The following LIN7A variants were observed in gnomAD, a reference collection of about 807,000 sequenced individuals.
LIN7A encodes the protein protein lin-7 homolog A.
A neutral mutation model predicts 29.8 loss-of-function variants in LIN7A; 25 were observed. The observed-to-expected ratio is 0.84, with a 90% CI of 0.61 to 1.17. The LOEUF (loss-of-function observed/expected upper bound fraction) is 1.17. LIN7A is among the 50% of genes most tolerant of loss of function. The pLI is 0.00. For synonymous variants in LIN7A, 118 were observed against 107.5 expected, an observed-to-expected ratio of 1.10 and a Z score of -0.60; for missense variants, 239 against 287.0, an observed-to-expected ratio of 0.83 and a Z score of 1.21.
At chr12:80,917,211 T>A (rs1004365654) in intron 1 of LIN7A, among the ~76,000 whole-genome samples, 1 of 152,038 alleles carries the variant, frequency 6.6e-6, no homozygotes, top group Non-Finnish European at 1.5e-5. Context: ...TGCTTATAAA[T>A]GTGAAAAATT....
At chr12:80,909,228 C>T (rs1876633476) in intron 1 of LIN7A, among the ~76,000 whole-genome samples, 1 of 152,084 alleles carries the variant, frequency 6.6e-6, no homozygotes, top group Non-Finnish European at 1.5e-5. Context: ...GCTAGCTTTT[C>T]CCCAGTGAGT....
intron 1 of LIN7A, among the ~76,000 whole-genome samples, chr12:80,924,968 C>G (rs779383719): frequency 6.6e-6 from 1 of 152,096 alleles, no homozygotes; most frequent in Non-Finnish European, 1.5e-5. Context: ...CTGCCTGAGT[C>G]TAATTTTAAA....
intron 2 of LIN7A, among the ~76,000 whole-genome samples, chr12:80,876,919 C>G (rs901460294): frequency 6.6e-6 from 1 of 151,640 alleles, no homozygotes; most frequent in African/African-American, 2.4e-5. Context: ...GTCAGGAGTT[C>G]GAGACTACCC....
chr12:80,823,930 G>A (rs905565017), intron 4 of LIN7A, among the ~76,000 whole-genome samples: 1 of 152,056 alleles, frequency 6.6e-6, no homozygotes, highest in African/African-American at 2.4e-5. Context: ...GTCTGAAAGA[G>A]CACAAATAGA....
At chr12:80,823,511 G>T (rs1487346377) in intron 4 of LIN7A, among the ~76,000 whole-genome samples, 1 of 152,178 alleles carries the variant, frequency 6.6e-6, no homozygotes, top group East Asian at 1.9e-4. Context: ...AGCATGCCTG[G>T]CTCTGTGCAG....
intron 2 of LIN7A, among the ~76,000 whole-genome samples, chr12:80,881,637 A>G (rs1395478520): frequency 2.6e-5 from 4 of 152,150 alleles, no homozygotes; most frequent in Non-Finnish European, 5.9e-5. Context: ...AGTTATATAT[A>G]TATATATATG....
intron 1 of LIN7A, among the ~76,000 whole-genome samples, chr12:80,915,379 C>T (rs1025475045): frequency 6.6e-6 from 1 of 151,934 alleles, no homozygotes; most frequent in Non-Finnish European, 1.5e-5. Flanking sequence ...CAGACATTGG[C>T]AAGGCAAGGC....
rs182520681 is a variant in LIN7A, at chr12:80,824,833, T to C, written c.484-13150A>G. 9.2e-5 allele frequency among the ~76,000 whole-genome samples: 14 copies of C among 152,288 alleles called. No individual in the cohort carries two copies. The East Asian group carries it at 2.7e-3, about 29-fold the overall frequency. ...CCAGCATCCTTTATGATTAAAACCC[T>C]CAGCAAAATCGGCATAGAAGGGACA... On this transcript the variant is annotated intron_variant, in intron 4 of 5. Coordinates refer to ENST00000552864, the MANE Select transcript of LIN7A (RefSeq NM_004664.4).
At chr12:80,875,702 T>G (rs1457387180) in intron 2 of LIN7A, among the ~76,000 whole-genome samples, 4 of 152,330 alleles carry the variant, frequency 2.6e-5, no homozygotes, top group East Asian at 3.9e-4. Context: ...TCTTAAGGAA[T>G]TCTTCCATGG....
At chr12:80,826,803 G>T (rs547704994) in intron 4 of LIN7A, among the ~76,000 whole-genome samples, 1 of 152,074 alleles carries the variant, frequency 6.6e-6, no homozygotes, top group East Asian at 1.9e-4. Context: ...GATTACAGGC[G>T]TGAGCCACCA....
intron 4 of LIN7A, among the ~76,000 whole-genome samples, chr12:80,813,377 T>G (rs559219829): frequency 6.6e-6 from 1 of 152,332 alleles, no homozygotes; most frequent in South Asian, 2.1e-4. Flanking sequence ...GACAAGGATG[T>G]AGGAAAATTG....
chr12:80,907,019 A>T (rs1479800070), intron 1 of LIN7A, among the ~76,000 whole-genome samples: 1 of 144,350 alleles, frequency 6.9e-6, no homozygotes, highest in East Asian at 2.0e-4. Context: ...TCAGTGAAAC[A>T]ATGATCATAA....
Position 80,916,265 on chromosome 12 carries a change from C to A in LIN7A, c.82+21376G>T, listed in dbSNP as rs548164334. Among the ~76,000 whole-genome samples the A allele has an allele frequency of 7.2e-5, 11 of 152,254 alleles. No individual in the cohort carries two copies. In the East Asian group the frequency reaches 1.5e-3, roughly 21 times the overall value. On this transcript the variant is annotated intron_variant, in intron 1 of 5. Transcript: ENST00000552864. The stretch of plus-strand genomic sequence containing the variant: ...GGATCATGTCACTAATCCACAAAAT[C>A]CCTCCTGTGGCTTAGTATTTTAGAG...
At chr12:80,861,016 G>A (rs902416030) in intron 2 of LIN7A, 3 of 152,196 alleles carry the variant, frequency 2.0e-5, no homozygotes, top group Non-Finnish European at 4.4e-5. Context: ...TCTATCTTGA[G>A]TGGCTACTAA....
At chr12:80,872,331 T>C (rs1424867130) in intron 2 of LIN7A, among the ~76,000 whole-genome samples, 1 of 152,130 alleles carries the variant, frequency 6.6e-6, no homozygotes, top group Non-Finnish European at 1.5e-5. Flanking sequence ...CAAAATTAAT[T>C]AAGGCAAATG....
intron 5 of LIN7A, among the ~76,000 whole-genome samples, chr12:80,802,392 TTA>T (rs916572363): frequency 7.2e-5 from 11 of 152,206 alleles, no homozygotes; most frequent in African/African-American, 2.4e-4. Flanking sequence ...CGTTGCTCCC[TTA>T]TCTTAGCTAT....
chr12:80,841,312 G>T (rs1435496572), intron 4 of LIN7A, among the ~76,000 whole-genome samples: 2 of 137,888 alleles, frequency 1.5e-5, no homozygotes, highest in African/African-American at 5.5e-5. Context: ...AAAAAGAAAA[G>T]AAAAGAAAAG....
intron 4 of LIN7A, chr12:80,845,477 G>T (rs534020543): frequency 2.4e-5 from 9 of 380,990 alleles, no homozygotes; most frequent in Non-Finnish European, 3.2e-5. Flanking sequence ...TGGGAAGAAA[G>T]TCAGCTAGTT....
chr12:80,868,174 G>A (rs1874237379), intron 2 of LIN7A, among the ~76,000 whole-genome samples: 1 of 152,138 alleles, frequency 6.6e-6, no homozygotes, highest in Admixed American at 6.5e-5. Context: ...CATTATGAGA[G>A]GCCATCTGCC....
Sources: allele counts gnomAD v4.1 joint callset (sites outside exome capture counted in the v4.1 genomes callset), GRCh38; gene constraint gnomAD v4.1.1; transcripts MANE v1.5; gene names NCBI Gene and HGNC (gene_info 2026-07-23, HGNC 2026-07-21).